The following TAB2 variants were observed in gnomAD, a reference collection of about 807,000 sequenced individuals.
TAB2 encodes TGF-beta activated kinase 1 (MAP3K7) binding protein 2.
TAB2 carries 3 observed loss-of-function variants against 65.0 expected under a neutral mutation model. That is an observed-to-expected ratio of 0.05 (90% CI 0.02 to 0.12). TAB2 has a LOEUF of 0.12. Among genes scored for constraint, TAB2 ranks in the 10% least tolerant of loss-of-function variants. The pLI is 1.00. For missense variants in TAB2, 623 were observed against 840.3 expected (o/e 0.74, Z 3.20); for synonymous variants, 298 against 285.1 (o/e 1.05, Z -0.46).
At chr6:149,355,764 A>G (rs924488017) in intron 1 of TAB2, among the ~76,000 whole-genome samples, 11 of 151,880 alleles carry the variant, frequency 7.2e-5, no homozygotes, top group Admixed American at 2.6e-4. Flanking sequence ...TGATTACCTT[A>G]CTTACATGAC....
At chr6:149,397,137 T>C (rs1782198400) in intron 3 of TAB2, among the ~76,000 whole-genome samples, 1 of 152,116 alleles carries the variant, frequency 6.6e-6, no homozygotes, top group African/African-American at 2.4e-5. Context: ...AAAACAATTT[T>C]TCAGTTAAAA....
intron 1 of TAB2, among the ~76,000 whole-genome samples, chr6:149,222,617 CAAAA>C (rs36037987): frequency 3.2e-5 from 4 of 126,382 alleles, no homozygotes; most frequent in Admixed American, 1.6e-4. Context: ...GACTCTGTCT[CAAAA>C]AAAAAAAAAA....
intron 1 of TAB2, among the ~76,000 whole-genome samples, chr6:149,265,560 C>T (rs916788248): frequency 6.6e-6 from 1 of 150,540 alleles, no homozygotes; most frequent in Admixed American, 6.6e-5. Context: ...TTGGCCCCCA[C>T]CTCCCCTGCA....
intron 1 of TAB2, among the ~76,000 whole-genome samples, chr6:149,271,853 C>T (rs1031206926): frequency 6.6e-6 from 1 of 151,978 alleles, no homozygotes; most frequent in Non-Finnish European, 1.5e-5. Context: ...TTGAGGTTAA[C>T]GGAAAGTTGA....
chr6:149,222,549 C>T (rs536229244), intron 1 of TAB2, among the ~76,000 whole-genome samples: 23 of 150,024 alleles, frequency 1.5e-4, no homozygotes, highest in African/African-American at 4.9e-4. Context: ...ACCTGAGAGG[C>T]GGAGGTTGCA....
At chr6:149,400,281 T>G in intron 6 of TAB2, 10 of 1,231,290 alleles carry the variant, frequency 8.1e-6, no homozygotes, top group Non-Finnish European at 7.9e-6. Flanking sequence ...ACCCTCTCCC[T>G]CATCCACCGC....
chr6:149,241,126 G>A (rs1777589769), intron 1 of TAB2, among the ~76,000 whole-genome samples: 1 of 152,092 alleles, frequency 6.6e-6, no homozygotes, highest in Admixed American at 6.5e-5. Context: ...ACAAGAAGAG[G>A]CCTCAGAATG....
chr6:149,378,971 C>A lies in TAB2; in HGVS notation c.1056C>A (p.Ser352=). The change falls in exon 3 of 7, where the codon TCC becomes TCA. Residue 352 remains serine, a synonymous_variant. Coordinates refer to ENST00000637181, the MANE Select transcript of TAB2 (RefSeq NM_001292034.3). ...CTGGACCTCGAACCTCCAGCACTTCCTCTTCAGTCAATAGCCAGACCTTAA... is the reference window on the plus strand; with the variant it reads ...CTGGACCTCGAACCTCCAGCACTTCATCTTCAGTCAATAGCCAGACCTTAA... ...RSSGPRTSST[S]SSVNSQTLNR... is the part of the protein sequence containing the mutation. 6.2e-7 allele frequency: 1 copy of A among 1,614,202 alleles called. No individual in the cohort carries two copies. Among genetic ancestry groups the A allele is most frequent in the South Asian group, 1.1e-5 (1 of 91,090 alleles).
intron 1 of TAB2, among the ~76,000 whole-genome samples, chr6:149,337,265 G>A (rs1779962647): frequency 2.5e-5 from 2 of 79,400 alleles, no homozygotes; most frequent in Admixed American, 2.7e-4. Context: ...TATATTTTAT[G>A]CATTTAAAAC....
At chr6:149,364,003 A>G (rs1780954851) in intron 1 of TAB2, among the ~76,000 whole-genome samples, 2 of 152,086 alleles carry the variant, frequency 1.3e-5, no homozygotes, top group Admixed American at 1.3e-4. Context: ...CTTTTGCCCC[A>G]ATTTCTAATT....
At chr6:149,409,496 A>T in intron 6 of TAB2, 81 bp from the exon 7 acceptor site, 1 of 1,321,382 alleles carries the variant, frequency 7.6e-7, no homozygotes, top group African/African-American at 1.5e-5. Context: ...GCTGTGCACT[A>T]CAAATGGTGT....
At chr6:149,349,750 T>C (rs1192563438) in intron 1 of TAB2, among the ~76,000 whole-genome samples, 1 of 152,014 alleles carries the variant, frequency 6.6e-6, no homozygotes, top group Non-Finnish European at 1.5e-5. Flanking sequence ...AACGCTTGAG[T>C]TTGGGGAGAT....
chr6:149,337,176 A>G (rs1411073856), intron 1 of TAB2, among the ~76,000 whole-genome samples: 3 of 152,214 alleles, frequency 2.0e-5, no homozygotes, highest in South Asian at 2.1e-4. Flanking sequence ...CTAAAGAAGC[A>G]TATGTATGAA....
At chr6:149,244,388 C>T (rs796441283) in intron 1 of TAB2, 3 of 152,304 alleles carry the variant, frequency 2.0e-5, no homozygotes, top group African/African-American at 7.2e-5. Flanking sequence ...TGAGGGAAGA[C>T]AAAGAAACGT....
chr6:149,269,363 T>C (rs965317212), intron 1 of TAB2, among the ~76,000 whole-genome samples: 7 of 152,202 alleles, frequency 4.6e-5, no homozygotes, highest in Non-Finnish European at 8.8e-5. Context: ...ATGTGATAGA[T>C]ACCATTTTTA....
intron 1 of TAB2, among the ~76,000 whole-genome samples, chr6:149,322,194 CAT>C (rs1287450400): frequency 6.6e-6 from 1 of 152,054 alleles, no homozygotes; most frequent in Non-Finnish European, 1.5e-5. Context: ...TAGCTGTTTT[CAT>C]ATAGTTTACA....
At chr6:149,389,108 A>G (rs912706801) in intron 3 of TAB2, among the ~76,000 whole-genome samples, 1 of 151,810 alleles carries the variant, frequency 6.6e-6, no homozygotes, top group Admixed American at 6.6e-5. Context: ...GGCATGCACC[A>G]CCACGCCTGG....
At position 149,311,658 on chromosome 6, in the gene TAB2, A is replaced by G. The variant is rs1418691550; in HGVS notation, c.-120-66360A>G. Among the ~76,000 whole-genome samples the G allele has an allele frequency of 4.3e-5, 2 of 46,206 alleles. 1 individual carries two copies. Among genetic ancestry groups the G allele is most frequent in the African/African-American group, 1.2e-4 (2 of 16,190 alleles). The allele number at this position is 46,206 out of a possible 152,430, so 30.3% of individuals were successfully genotyped here. A position where few individuals can be genotyped will look rare whatever the true frequency, so the allele number is the denominator to read the frequency against. ...TAGTAATGGTACCACTGTCAATGCTAGTGTTAGTAACTGGTTTATAATTAG... is the reference window on the plus strand; with the variant it reads ...TAGTAATGGTACCACTGTCAATGCTGGTGTTAGTAACTGGTTTATAATTAG... On this transcript the variant is annotated intron_variant, in intron 1 of 1. Transcript: ENST00000606202.
chr6:149,268,688 T>C (rs1273790816), intron 1 of TAB2, among the ~76,000 whole-genome samples: 2 of 152,260 alleles, frequency 1.3e-5, no homozygotes, highest in Non-Finnish European at 2.9e-5. Flanking sequence ...CTTCCTTTCG[T>C]ATATGTAACA....
Sources: gnomAD v4.1 joint callset for allele counts (sites outside exome capture counted in the v4.1 genomes callset) on GRCh38, gnomAD v4.1.1 for gene constraint, MANE v1.5 for transcripts, NCBI Gene and HGNC (gene_info 2026-07-23, HGNC 2026-07-21) for gene names.